The following ASTN2 variants were observed in gnomAD, a reference collection of about 807,000 sequenced individuals.
The protein encoded by ASTN2 is astrotactin-2.
A neutral mutation model predicts 139.8 loss-of-function variants in ASTN2; 54 were observed. The ratio of observed to expected loss-of-function variants is 0.39; its 90% CI spans 0.31 to 0.48. The LOEUF is 0.48. Among genes scored for constraint, ASTN2 ranks in the 20% least tolerant of loss-of-function variants. The pLI, the probability that ASTN2 is intolerant of heterozygous loss-of-function variation, is 0.95. For synonymous variants in ASTN2, 756 were observed against 719.5 expected, an observed-to-expected ratio of 1.05 and a Z score of -0.81; for missense variants, 1,565 against 1,725.1, an observed-to-expected ratio of 0.91 and a Z score of 1.64.
chr9:116,799,228 G>A (rs1830777550), intron 13 of ASTN2, among the ~76,000 whole-genome samples: 1 of 152,100 alleles, frequency 6.6e-6, no homozygotes, highest in Non-Finnish European at 1.5e-5. Context: ...AGTATCCTCA[G>A]TGGGGGAATG....
intron 6 of ASTN2, among the ~76,000 whole-genome samples, chr9:117,027,004 C>T (rs1838108193): frequency 1.3e-5 from 2 of 152,250 alleles, no homozygotes; most frequent in South Asian, 4.1e-4. Flanking sequence ...GTAGCCCAGA[C>T]TCTTAACCAA....
intron 3 of ASTN2, among the ~76,000 whole-genome samples, chr9:117,208,755 C>A (rs1022780005): frequency 6.6e-6 from 1 of 152,016 alleles, no homozygotes; most frequent in African/African-American, 2.4e-5. Flanking sequence ...AAAGTCAGGT[C>A]ACATAAAAGG....
chr9:116,908,055 C>A (rs1358542645), intron 10 of ASTN2, among the ~76,000 whole-genome samples: 1 of 152,126 alleles, frequency 6.6e-6, no homozygotes, highest in Non-Finnish European at 1.5e-5. Flanking sequence ...GCTCTGGAAT[C>A]TCAAACCTGA....
chr9:116,545,828 G>A (rs1181410668), intron 19 of ASTN2: 3 of 152,212 alleles, frequency 2.0e-5, no homozygotes, highest in Non-Finnish European at 4.4e-5. Context: ...ACCTTGGTTG[G>A]TGAGTGGCCT....
chr9:116,850,347 A>G (rs1832564977), intron 11 of ASTN2, among the ~76,000 whole-genome samples: 1 of 152,210 alleles, frequency 6.6e-6, no homozygotes, highest in Non-Finnish European at 1.5e-5. Context: ...ATGCTGTTGT[A>G]CATATGAGAA....
At chr9:117,242,028 T>C (rs1278424374) in intron 2 of ASTN2, among the ~76,000 whole-genome samples, 1 of 143,590 alleles carries the variant, frequency 7.0e-6, no homozygotes, top group Non-Finnish European at 1.5e-5. Context: ...TTTTTTTTTT[T>C]TTTTTTAGCT....
intron 17 of ASTN2, among the ~76,000 whole-genome samples, chr9:116,629,927 C>A (rs908897105): frequency 6.6e-6 from 1 of 152,140 alleles, no homozygotes; most frequent in South Asian, 2.1e-4. Flanking sequence ...TGTACACAGA[C>A]AAGATGATAG....
chr9:117,335,585 C>G (rs577493288), intron 1 of ASTN2, among the ~76,000 whole-genome samples: 17 of 152,244 alleles, frequency 1.1e-4, no homozygotes, highest in Admixed American at 2.0e-4. Flanking sequence ...GTTAGATCTA[C>G]AGTTTAACTT....
intron 3 of ASTN2, among the ~76,000 whole-genome samples, chr9:117,162,673 T>C (rs1456356235): frequency 6.6e-6 from 1 of 152,052 alleles, no homozygotes; most frequent in Non-Finnish European, 1.5e-5. Context: ...ATTCAGATAA[T>C]AATTGTACTG....
At chr9:116,539,228 G>T (rs1230383036) in intron 19 of ASTN2, among the ~76,000 whole-genome samples, 1 of 152,126 alleles carries the variant, frequency 6.6e-6, no homozygotes, top group Non-Finnish European at 1.5e-5. Context: ...TGGGTATAGG[G>T]TTTATTTTGG....
intron 5 of ASTN2, among the ~76,000 whole-genome samples, chr9:117,060,734 A>C (rs886122509): frequency 1.3e-5 from 2 of 151,748 alleles, no homozygotes; most frequent in Non-Finnish European, 2.9e-5. Context: ...TCCACTAAAA[A>C]TACAAAAAAA....
chr9:117,103,135 A>C (rs1360607415), intron 4 of ASTN2, among the ~76,000 whole-genome samples: 2 of 152,156 alleles, frequency 1.3e-5, no homozygotes, highest in Non-Finnish European at 2.9e-5. Context: ...TTGTTTATGC[A>C]TTCTTTAAAC....
intron 19 of ASTN2, among the ~76,000 whole-genome samples, chr9:116,514,793 T>A (rs888039289): frequency 7.2e-5 from 11 of 152,160 alleles, no homozygotes; most frequent in African/African-American, 1.9e-4. Flanking sequence ...GACCCTCTGA[T>A]CCTGGTGCGG....
At chr9:117,324,438 CA>C (rs1463172472) in intron 1 of ASTN2, among the ~76,000 whole-genome samples, 6 of 152,132 alleles carry the variant, frequency 3.9e-5, no homozygotes, top group African/African-American at 1.4e-4. Context: ...ACCTTCTTCA[CA>C]AGGCAGCAGG....
At chr9:117,331,832 C>T (rs1228517028) in intron 1 of ASTN2, among the ~76,000 whole-genome samples, 1 of 152,188 alleles carries the variant, frequency 6.6e-6, no homozygotes, top group Non-Finnish European at 1.5e-5. Flanking sequence ...GGGAGGGTCT[C>T]ATCTCCCTTT....
chr9:116,805,575 T>C, intron 13 of ASTN2, 57 bp downstream of exon 13: 1 of 1,546,886 alleles, frequency 6.5e-7, no homozygotes, highest in Non-Finnish European at 8.9e-7. Context: ...TTCCTCCCTG[T>C]GCCCAGGTTG....
rs576608803 is a variant in ASTN2, at chr9:117,038,301, A to G, written c.1423+1518T>C. Among the ~76,000 whole-genome samples the G allele has an allele frequency of 1.6e-3, 245 of 152,360 alleles. 1 individual carries two copies. The highest frequency in any genetic ancestry group is 5.4e-3 in the African/African-American group (223 of 41,590). On this transcript the variant is annotated intron_variant, in intron 6 of 22. Coordinates refer to ENST00000313400, the MANE Select transcript of ASTN2 (RefSeq NM_001365068.1). ...TAAGGATCTCAAAAACGTTCTATAC[A>G]TATCAAAATGCAAAATTTTTTTAAA...
chr9:117,227,525 T>C (rs1282774381), intron 2 of ASTN2, among the ~76,000 whole-genome samples: 5 of 152,244 alleles, frequency 3.3e-5, no homozygotes, highest in Non-Finnish European at 5.9e-5. Flanking sequence ...AATACATGAG[T>C]AAATAGATAG....
intron 22 of ASTN2, among the ~76,000 whole-genome samples, chr9:116,440,182 T>C (rs1847799186): frequency 3.3e-5 from 5 of 152,180 alleles, no homozygotes; most frequent in Admixed American, 3.3e-4. Flanking sequence ...TAATGGACTT[T>C]AGTCAAAATC....
Sources: gnomAD v4.1 joint callset for allele counts (sites outside exome capture counted in the v4.1 genomes callset) on GRCh38, gnomAD v4.1.1 for gene constraint, MANE v1.5 for transcripts, NCBI Gene and HGNC (gene_info 2026-07-23, HGNC 2026-07-21) for gene names.